The following LIN7A variants were observed in gnomAD, a reference collection of about 807,000 sequenced individuals.
LIN7A encodes protein lin-7 homolog A.
LIN7A carries 25 observed loss-of-function variants against 29.8 expected under a neutral mutation model. That is an observed-to-expected ratio of 0.84 (90% CI 0.61 to 1.17). The LOEUF is 1.17. Among genes scored for constraint, LIN7A ranks in the 50% most tolerant of loss-of-function variants. The pLI is 0.00. For missense variants in LIN7A, 239 were observed against 287.0 expected (o/e 0.83, Z 1.21); for synonymous variants, 118 against 107.5 (o/e 1.10, Z -0.60).
chr12:80,853,144 T>C (rs1162661551), intron 2 of LIN7A, among the ~76,000 whole-genome samples: 1 of 152,170 alleles, frequency 6.6e-6, no homozygotes. Flanking sequence ...GACTTTCTGC[T>C]ACTTTCAGCC....
intron 2 of LIN7A, among the ~76,000 whole-genome samples, chr12:80,879,645 CAAAAAAAAAAA>C (rs530877505): frequency 6.8e-5 from 4 of 58,742 alleles, no homozygotes; most frequent in Middle Eastern, 0.019. Context: ...TGGAGCAGCC[CAAAAAAAAAAA>C]AAAAAAAAAA....
At chr12:80,910,300 T>A (rs1326099295) in intron 1 of LIN7A, among the ~76,000 whole-genome samples, 1 of 152,212 alleles carries the variant, frequency 6.6e-6, no homozygotes, top group Non-Finnish European at 1.5e-5. Flanking sequence ...CAGGATTTTC[T>A]CCATAGACAA....
chr12:80,888,563 C>G (rs1350390670), intron 2 of LIN7A, among the ~76,000 whole-genome samples: 3 of 152,104 alleles, frequency 2.0e-5, no homozygotes, highest in Non-Finnish European at 4.4e-5. Context: ...TAGGTTCTAA[C>G]TAATGAATTA....
At chr12:80,914,485 C>A (rs1876930789) in intron 1 of LIN7A, among the ~76,000 whole-genome samples, 1 of 152,150 alleles carries the variant, frequency 6.6e-6, no homozygotes, top group Non-Finnish European at 1.5e-5. Flanking sequence ...ATAAATACAC[C>A]AGTCAGATTA....
chr12:80,881,128 C>T (rs897982344), intron 2 of LIN7A, among the ~76,000 whole-genome samples: 4 of 144,776 alleles, frequency 2.8e-5, no homozygotes, highest in African/African-American at 9.8e-5. Context: ...GGTAAATTTC[C>T]ATCCTTTTAA....
At chr12:80,899,570 T>A (rs1876087733) in intron 1 of LIN7A, among the ~76,000 whole-genome samples, 1 of 151,902 alleles carries the variant, frequency 6.6e-6, no homozygotes, top group Non-Finnish European at 1.5e-5. Flanking sequence ...TACCAGTTCT[T>A]CTTTATGTAT....
At chr12:80,823,405 G>A (rs1871908163) in intron 4 of LIN7A, among the ~76,000 whole-genome samples, 1 of 152,210 alleles carries the variant, frequency 6.6e-6, no homozygotes, top group African/African-American at 2.4e-5. Context: ...CTGGTGCCAG[G>A]CATGGAAGCT....
At chr12:80,817,939 C>G (rs1257804440) in intron 4 of LIN7A, among the ~76,000 whole-genome samples, 1 of 152,056 alleles carries the variant, frequency 6.6e-6, no homozygotes, top group East Asian at 1.9e-4. Flanking sequence ...AGAAAAAGAT[C>G]TGGCAACTCC....
At chr12:80,911,013 G>T (rs1336808352) in intron 1 of LIN7A, among the ~76,000 whole-genome samples, 1 of 152,056 alleles carries the variant, frequency 6.6e-6, no homozygotes, top group East Asian at 1.9e-4. Context: ...GTCAAAGCAG[G>T]AATTATTCTC....
chr12:80,798,786 CTT>C (rs200030464), intron 5 of LIN7A, among the ~76,000 whole-genome samples: 28 of 144,790 alleles, frequency 1.9e-4, no homozygotes, highest in Admixed American at 4.1e-4. Flanking sequence ...AGACTGAGTT[CTT>C]TTTTTTTTTT....
intron 4 of LIN7A, among the ~76,000 whole-genome samples, chr12:80,843,574 G>A (rs1592886616): frequency 6.6e-6 from 1 of 152,074 alleles, no homozygotes; most frequent in Non-Finnish European, 1.5e-5. Flanking sequence ...TCACTGGGAG[G>A]TTGTTAATCC....
At chr12:80,833,202 C>G (rs1042046681) in intron 4 of LIN7A, among the ~76,000 whole-genome samples, 1 of 152,138 alleles carries the variant, frequency 6.6e-6, no homozygotes, top group African/African-American at 2.4e-5. Context: ...GAGCCATAGA[C>G]AACACAACCT....
chr12:80,919,229 A>G (rs1169822034), intron 1 of LIN7A, among the ~76,000 whole-genome samples: 1 of 152,224 alleles, frequency 6.6e-6, no homozygotes, highest in Non-Finnish European at 1.5e-5. Context: ...ATCTGGGAAC[A>G]CAGTTTCTTA....
intron 1 of LIN7A, among the ~76,000 whole-genome samples, chr12:80,895,820 A>G (rs1226327905): frequency 6.6e-6 from 1 of 152,164 alleles, no homozygotes; most frequent in African/African-American, 2.4e-5. Context: ...GTGATCACGA[A>G]GATAACTGCC....
intron 1 of LIN7A, among the ~76,000 whole-genome samples, chr12:80,923,820 C>T (rs531163984): frequency 8.5e-5 from 13 of 152,250 alleles, no homozygotes; most frequent in Non-Finnish European, 1.8e-4. Flanking sequence ...TCAACCAGAC[C>T]GAGCTCCATT....
At chr12:80,822,762 T>C (rs1871872392) in intron 4 of LIN7A, among the ~76,000 whole-genome samples, 1 of 152,008 alleles carries the variant, frequency 6.6e-6, no homozygotes, top group Non-Finnish European at 1.5e-5. Context: ...TAGGTGTCTC[T>C]CAGCACAAAG....
chr12:80,813,057 C>G (rs1218881521), intron 4 of LIN7A, among the ~76,000 whole-genome samples: 1 of 152,066 alleles, frequency 6.6e-6, no homozygotes, highest in East Asian at 1.9e-4. Context: ...GTTGCCCAGG[C>G]TAGAGTGCAA....
intron 1 of LIN7A, among the ~76,000 whole-genome samples, chr12:80,922,913 A>G (rs958440183): frequency 3.3e-5 from 5 of 152,052 alleles, no homozygotes; most frequent in African/African-American, 9.7e-5. Flanking sequence ...AGGGTTCACT[A>G]CTAACCTTGG....
At chr12:80,877,320 T>A (rs1874761844) in intron 2 of LIN7A, among the ~76,000 whole-genome samples, 1 of 151,998 alleles carries the variant, frequency 6.6e-6, no homozygotes, top group Admixed American at 6.6e-5. Context: ...AACTGTGATA[T>A]CTTCACACAA....
Sources: allele counts gnomAD v4.1 joint callset (sites outside exome capture counted in the v4.1 genomes callset), GRCh38; gene constraint gnomAD v4.1.1; transcripts MANE v1.5; gene names NCBI Gene and HGNC (gene_info 2026-07-23, HGNC 2026-07-21).